The following CNTN1 variants were observed in gnomAD, a reference collection of about 807,000 sequenced individuals.
The protein encoded by CNTN1 is contactin-1.
In CNTN1, 38 loss-of-function variants were observed where a neutral mutation model predicts 126.4. The observed-to-expected ratio is 0.30, with a 90% CI of 0.23 to 0.39. The LOEUF (loss-of-function observed/expected upper bound fraction) is 0.39. Ranked by LOEUF, CNTN1 falls within the 10% of genes least tolerant of loss-of-function variation. The pLI is 1.00. For missense variants in CNTN1, 1,009 were observed against 1,248.4 expected (o/e 0.81, Z 2.89); for synonymous variants, 413 against 422.6 (o/e 0.98, Z 0.28).
intron 1 of CNTN1, among the ~76,000 whole-genome samples, chr12:40,715,241 G>A (rs546287140): frequency 2.0e-5 from 3 of 152,222 alleles, no homozygotes; most frequent in East Asian, 3.9e-4. Context: ...AAGCTCTCAG[G>A]TGATGGTGGT....
At position 40,744,013 on chromosome 12, in the gene CNTN1, C is replaced by T. The variant is rs576308359; in HGVS notation, c.-77+51421C>T. Reference sequence around the variant, plus strand: ...CATGGATGGAGCCAGAAGCCATTATCCTCAGCAAACTAACACAGCAACAGA... The same window carrying T: ...CATGGATGGAGCCAGAAGCCATTATTCTCAGCAAACTAACACAGCAACAGA... On this transcript the variant is annotated intron_variant, in intron 1 of 23. Transcript: ENST00000551295. 1.0e-3 allele frequency among the ~76,000 whole-genome samples: 159 copies of T among 152,080 alleles called. 1 individual carries two copies. Among genetic ancestry groups the T allele is most frequent in the Non-Finnish European group, 1.8e-3 (123 of 67,976 alleles).
At chr12:40,740,507 C>T (rs1937894252) in intron 1 of CNTN1, among the ~76,000 whole-genome samples, 1 of 152,074 alleles carries the variant, frequency 6.6e-6, no homozygotes, top group South Asian at 2.1e-4. Context: ...AGTTTAATGC[C>T]TCTTCATTGC....
chr12:40,715,142 A>G (rs1454380499), intron 1 of CNTN1, among the ~76,000 whole-genome samples: 4 of 152,178 alleles, frequency 2.6e-5, no homozygotes, highest in Admixed American at 6.6e-5. Flanking sequence ...TATCACTGGA[A>G]TTGCTTGTTA....
chr12:40,712,744 A>AAT, intron 1 of CNTN1, among the ~76,000 whole-genome samples: 1 of 152,152 alleles, frequency 6.6e-6, no homozygotes, highest in African/African-American at 2.4e-5. Context: ...ATTTAATAAA[A>AAT]CCATCTTCTG....
rs542722166 is a variant in CNTN1 at position 40,784,390 on chromosome 12, C to A, written c.-77+91798C>A. Reference sequence around the variant, plus strand: ...AATTGTTTTATTTAAGGTAATGGAACTTATATACAGGCAATGCAATGAGTC... The same window carrying A: ...AATTGTTTTATTTAAGGTAATGGAAATTATATACAGGCAATGCAATGAGTC... On this transcript the variant is annotated intron_variant, in intron 1 of 23. Transcript: ENST00000551295. 3.3e-4 allele frequency among the ~76,000 whole-genome samples: 50 copies of A among 152,054 alleles called. No individual in the cohort carries two copies. The South Asian group carries it at 3.3e-3, about 10-fold the overall frequency.
chr12:40,891,968 A>C (rs1312057217), intron 1 of CNTN1, among the ~76,000 whole-genome samples: 1 of 152,170 alleles, frequency 6.6e-6, no homozygotes, highest in African/African-American at 2.4e-5. Flanking sequence ...TCTGTAGATC[A>C]AGCTGGGCAG....
chr12:40,800,699 G>A (rs772413342), intron 1 of CNTN1, among the ~76,000 whole-genome samples: 6 of 152,050 alleles, frequency 3.9e-5, no homozygotes, highest in East Asian at 1.9e-4. Flanking sequence ...TCTGGCAGTC[G>A]TCTCCACATC....
intron 1 of CNTN1, among the ~76,000 whole-genome samples, chr12:40,774,592 A>G (rs986609607): frequency 4.6e-5 from 7 of 151,732 alleles, no homozygotes; most frequent in African/African-American, 1.4e-4. Flanking sequence ...AATAAACTCA[A>G]TGTGATAAAG....
chr12:40,916,530 T>G (rs1320912500), intron 3 of CNTN1, among the ~76,000 whole-genome samples: 1 of 152,084 alleles, frequency 6.6e-6, no homozygotes, highest in Non-Finnish European at 1.5e-5. Context: ...TTCCCTGCTG[T>G]GCTGTTACAA....
intron 1 of CNTN1, among the ~76,000 whole-genome samples, chr12:40,713,510 C>A (rs11178006): frequency 6.6e-6 from 1 of 151,488 alleles, no homozygotes; most frequent in East Asian, 1.9e-4. Context: ...TTTCTTTATG[C>A]TAATAACCTA....
intron 1 of CNTN1, among the ~76,000 whole-genome samples, chr12:40,792,972 G>A (rs1940274863): frequency 6.6e-6 from 1 of 152,060 alleles, no homozygotes; most frequent in South Asian, 2.1e-4. Context: ...TGCATTTGTA[G>A]GGAAAATCTA....
chr12:40,792,951 G>C (rs113133399), intron 1 of CNTN1, among the ~76,000 whole-genome samples: 44 of 152,162 alleles, frequency 2.9e-4, no homozygotes, highest in African/African-American at 1.0e-3. Flanking sequence ...TTCCCTTTGT[G>C]GGGGGAGATT....
At chr12:40,749,291 T>C (rs1403490729) in intron 1 of CNTN1, among the ~76,000 whole-genome samples, 1 of 152,138 alleles carries the variant, frequency 6.6e-6, no homozygotes, top group Non-Finnish European at 1.5e-5. Context: ...GAATGTACAG[T>C]AAACAGCCTA....
At chr12:40,752,082 T>A (rs1254348993) in intron 1 of CNTN1, among the ~76,000 whole-genome samples, 1 of 152,100 alleles carries the variant, frequency 6.6e-6, no homozygotes, top group African/African-American at 2.4e-5. Flanking sequence ...TTTTATTAAG[T>A]TTTTTTATGA....
intron 4 of CNTN1, among the ~76,000 whole-genome samples, chr12:40,920,906 C>G (rs1945418836): frequency 6.6e-6 from 1 of 152,156 alleles, no homozygotes; most frequent in South Asian, 2.1e-4. Context: ...CAAGCACAAT[C>G]AGATCCATGT....
intron 14 of CNTN1, among the ~76,000 whole-genome samples, chr12:40,957,547 T>C (rs760763299): frequency 6.6e-6 from 1 of 150,386 alleles, no homozygotes; most frequent in Non-Finnish European, 1.5e-5. Flanking sequence ...TCTGATAAAA[T>C]AGAGAAAGTG....
rs1427426215 is a variant in CNTN1, at chr12:41,033,804, C to T, written c.2980+4585C>T. Among the ~76,000 whole-genome samples, 8 of 150,374 alleles carry T rather than the reference C, an allele frequency of 5.3e-5. No individual in the cohort carries two copies. The East Asian group carries it at 7.8e-4, about 15-fold the overall frequency. On this transcript the variant is annotated intron_variant, in intron 23 of 23. Transcript: ENST00000551295. ...CTGTAATCCCAGCACTTTGGGAGGCCGAGGCAAGCGGATCGCGAGGTCAGG... is the reference window on the plus strand; with the variant it reads ...CTGTAATCCCAGCACTTTGGGAGGCTGAGGCAAGCGGATCGCGAGGTCAGG...
At chr12:40,985,490 T>A (rs1262267729) in intron 16 of CNTN1, among the ~76,000 whole-genome samples, 1 of 152,168 alleles carries the variant, frequency 6.6e-6, no homozygotes, top group African/African-American at 2.4e-5. Context: ...TCATACAAAA[T>A]CCAAATTGCT....
At chr12:40,731,494 C>T (rs532654905) in intron 1 of CNTN1, among the ~76,000 whole-genome samples, 95 of 151,968 alleles carry the variant, frequency 6.3e-4, no homozygotes, top group African/African-American at 2.2e-3. Flanking sequence ...AAATCCTCAG[C>T]ACAATTTAAA....
Sources: allele counts gnomAD v4.1 joint callset (sites outside exome capture counted in the v4.1 genomes callset), GRCh38; gene constraint gnomAD v4.1.1; transcripts MANE v1.5; gene names NCBI Gene and HGNC (gene_info 2026-07-23, HGNC 2026-07-21).